IGSF11: variants seen among roughly 807,000 people sequenced by gnomAD.
IGSF11 encodes the protein CXADR like 1.
Under a neutral mutation model 41.0 loss-of-function variants are expected in IGSF11, and 22 were observed. That is an observed-to-expected ratio of 0.54 (90% confidence interval 0.38 to 0.77). The LOEUF (loss-of-function observed/expected upper bound fraction) is 0.77, where lower values mean the gene tolerates loss of function less well. Ranked by LOEUF, IGSF11 falls within the 30% of genes least tolerant of loss-of-function variation. The pLI is 0.00. For missense variants in IGSF11, 444 were observed against 530.8 expected (o/e 0.84, Z 1.61); for synonymous variants, 219 against 201.3 (o/e 1.09, Z -0.74).
At chr3:119,110,250 C>G (rs2077125510) in intron 1 of IGSF11, among the ~76,000 whole-genome samples, 1 of 151,952 alleles carries the variant, frequency 6.6e-6, no homozygotes, top group African/African-American at 2.4e-5. Context: ...TCACTCAGGA[C>G]TTGCTTTATG....
At chr3:119,006,082 G>A (rs972002804) in intron 1 of IGSF11, among the ~76,000 whole-genome samples, 2 of 112,766 alleles carry the variant, frequency 1.8e-5, no homozygotes, top group African/African-American at 4.6e-5. Context: ...TCCATTCTCC[G>A]CATCACTTTC....
chr3:119,075,710 G>A (rs180787268), intron 1 of IGSF11, among the ~76,000 whole-genome samples: 7 of 152,112 alleles, frequency 4.6e-5, no homozygotes, highest in African/African-American at 1.2e-4. Flanking sequence ...CACATAAACA[G>A]AACTAAAAAC....
chr3:118,914,280 G>C, intron 4 of IGSF11, among the ~76,000 whole-genome samples: 1 of 152,192 alleles, frequency 6.6e-6, no homozygotes, highest in Non-Finnish European at 1.5e-5. Context: ...GAACAGCTCC[G>C]GTCTACAGCT....
chr3:118,992,938 A>T (rs1935925182), intron 1 of IGSF11, among the ~76,000 whole-genome samples: 1 of 152,214 alleles, frequency 6.6e-6, no homozygotes, highest in Non-Finnish European at 1.5e-5. Context: ...AGCAACAAAA[A>T]TACAAATAAA....
intron 1 of IGSF11, among the ~76,000 whole-genome samples, chr3:118,953,252 T>C (rs544465345): frequency 1.3e-5 from 2 of 151,764 alleles, no homozygotes; most frequent in African/African-American, 2.4e-5. Context: ...TATTATTTCA[T>C]GGTACACATG....
chr3:118,906,426 T>G (rs1018067502), intron 4 of IGSF11, among the ~76,000 whole-genome samples: 11 of 151,786 alleles, frequency 7.2e-5, no homozygotes, highest in African/African-American at 2.7e-4. Flanking sequence ...AGATGGGGAG[T>G]CCCTGAGCCA....
chr3:119,104,049 A>G (rs1440903207), intron 1 of IGSF11, among the ~76,000 whole-genome samples: 1 of 152,168 alleles, frequency 6.6e-6, no homozygotes, highest in African/African-American at 2.4e-5. Context: ...TTTCTGAGAG[A>G]ATAGGAGGAC....
intron 1 of IGSF11, among the ~76,000 whole-genome samples, chr3:119,009,387 G>C (rs908126718): frequency 2.6e-5 from 4 of 152,140 alleles, no homozygotes; most frequent in Non-Finnish European, 4.4e-5. Flanking sequence ...CGTGTCAAGG[G>C]AGGGACCTGG....
upstream of IGSF11, among the ~76,000 whole-genome samples, chr3:119,038,949 T>C (rs960435831): frequency 6.6e-6 from 1 of 152,176 alleles, no homozygotes; most frequent in East Asian, 1.9e-4. Flanking sequence ...AATGAATCCA[T>C]TGTAATCTTG....
chr3:118,926,568 A>T (rs1942333274), intron 3 of IGSF11, among the ~76,000 whole-genome samples: 1 of 152,196 alleles, frequency 6.6e-6, no homozygotes, highest in Non-Finnish European at 1.5e-5. Context: ...AATTCTTAAG[A>T]TCCATTGTAT....
At position 118,920,740 on chromosome 3, in the gene IGSF11, C is replaced by T. The variant is rs537883474; in HGVS notation, c.580+5361G>A. 3.3e-5 allele frequency among the ~76,000 whole-genome samples: 5 copies of T among 152,246 alleles called. No individual in the cohort carries two copies. The East Asian group carries it at 9.7e-4, about 29-fold the overall frequency. On this transcript the variant is annotated intron_variant, in intron 4 of 6. Coordinates refer to ENST00000393775, the MANE Select transcript of IGSF11 (RefSeq NM_001015887.3). ...ACAAATTGACAAATCCACAGTCTTA[C>T]AGTGTGATTTTTAAACACATATTTC...
chr3:118,912,493 G>A (rs1414579874), intron 4 of IGSF11, among the ~76,000 whole-genome samples: 1 of 152,048 alleles, frequency 6.6e-6, no homozygotes, highest in Admixed American at 6.6e-5. Flanking sequence ...ACCAGTACAG[G>A]GCCCAGCCGC....
At chr3:119,123,602 G>C (rs2077361682) in intron 1 of IGSF11, among the ~76,000 whole-genome samples, 1 of 152,170 alleles carries the variant, frequency 6.6e-6, no homozygotes, top group Non-Finnish European at 1.5e-5. Flanking sequence ...AGTCCCAGTG[G>C]TGATGGCCAC....
chr3:118,955,715 C>T (rs1397334828), intron 1 of IGSF11, among the ~76,000 whole-genome samples: 1 of 152,062 alleles, frequency 6.6e-6, no homozygotes, highest in African/African-American at 2.4e-5. Context: ...TTTGTTATTC[C>T]ATTTACAAAG....
At chr3:119,111,933 T>C (rs555080238) in intron 1 of IGSF11, among the ~76,000 whole-genome samples, 22 of 152,306 alleles carry the variant, frequency 1.4e-4, no homozygotes, top group African/African-American at 5.1e-4. Context: ...AATGCTGCTG[T>C]CTGATCGTTC....
At chr3:118,970,270 AT>A (rs1292296854) in intron 1 of IGSF11, among the ~76,000 whole-genome samples, 2 of 152,244 alleles carry the variant, frequency 1.3e-5, no homozygotes, top group African/African-American at 4.8e-5. Context: ...CCTGAAAAAA[AT>A]AATTCCTATT....
Position 119,110,950 on chromosome 3 carries a change from C to T in IGSF11, c.-13-5745G>A, listed in dbSNP as rs532667912. 1.4e-3 allele frequency among the ~76,000 whole-genome samples: 211 copies of T among 151,846 alleles called. 1 individual carries two copies. Among genetic ancestry groups the T allele is most frequent in the African/African-American group, 4.0e-3 (164 of 41,394 alleles). On this transcript the variant is annotated intron_variant, in intron 1 of 7. Transcript: ENST00000425327. ...CTCTTCTGGCTTGTAGAGTTTCTGCCGAGAGATCCGCTATTAGTCTGATGG... is the reference window on the plus strand; with the variant it reads ...CTCTTCTGGCTTGTAGAGTTTCTGCTGAGAGATCCGCTATTAGTCTGATGG...
intron 1 of IGSF11, among the ~76,000 whole-genome samples, chr3:119,053,443 G>A (rs1012221581): frequency 6.6e-6 from 1 of 152,054 alleles, no homozygotes; most frequent in Non-Finnish European, 1.5e-5. Context: ...AAAATACTCA[G>A]AAATGTACCT....
At chr3:118,993,603 C>T (rs1225003524) in intron 1 of IGSF11, among the ~76,000 whole-genome samples, 1 of 152,052 alleles carries the variant, frequency 6.6e-6, no homozygotes, top group Non-Finnish European at 1.5e-5. Flanking sequence ...TAGCAACAAC[C>T]CAAATGTCCA....
Sources: gnomAD v4.1 joint callset for allele counts (sites outside exome capture counted in the v4.1 genomes callset) on GRCh38, gnomAD v4.1.1 for gene constraint, MANE v1.5 for transcripts, NCBI Gene and HGNC (gene_info 2026-07-23, HGNC 2026-07-21) for gene names.